Variants in FHIT observed in about 807,000 individuals in gnomAD.
The protein encoded by FHIT is fragile histidine triad diadenosine triphosphatase.
FHIT carries 19 observed loss-of-function variants against 17.9 expected under a neutral mutation model. The ratio of observed to expected loss-of-function variants is 1.06; its 90% CI spans 0.74 to 1.56. The LOEUF is 1.56. Ranked by LOEUF, FHIT falls within the 40% of genes most tolerant of loss-of-function variation. FHIT has a pLI of 0.00. For synonymous variants in FHIT, 81 were observed against 69.7 expected, an observed-to-expected ratio of 1.16 and a Z score of -0.81; for missense variants, 248 against 189.2, an observed-to-expected ratio of 1.31 and a Z score of -1.82.
rs1204577032 is a variant in FHIT at position 60,121,727 on chromosome 3, C to A, written c.104-107575G>T. ...CAAAACAAACACACACACACACACA[C>A]ACACACACACACACACACATTAGCC... On this transcript the variant is annotated intron_variant, in intron 5 of 9. Coordinates refer to ENST00000492590, the MANE Select transcript of FHIT (RefSeq NM_002012.4). 7.9e-5 allele frequency among the ~76,000 whole-genome samples: 12 copies of A among 151,694 alleles called. No individual in the cohort carries two copies. The East Asian group carries it at 1.7e-3, about 22-fold the overall frequency.
chr3:60,333,900 C>T (rs1710111176), intron 5 of FHIT, among the ~76,000 whole-genome samples: 1 of 152,134 alleles, frequency 6.6e-6, no homozygotes, highest in Non-Finnish European at 1.5e-5. Flanking sequence ...CCTAACAGAC[C>T]ACCTGCTTCC....
intron 5 of FHIT, among the ~76,000 whole-genome samples, chr3:60,336,752 G>A (rs530995968): frequency 6.6e-6 from 1 of 152,224 alleles, no homozygotes; most frequent in African/African-American, 2.4e-5. Context: ...AGACAGCATT[G>A]AATTAGATAA....
chr3:60,581,614 A>G (rs1449923288), intron 4 of FHIT, among the ~76,000 whole-genome samples: 1 of 152,166 alleles, frequency 6.6e-6, no homozygotes, highest in Non-Finnish European at 1.5e-5. Flanking sequence ...CACAAAGAAC[A>G]GTAGGCTAAT....
At chr3:60,313,629 A>G (rs1709042613) in intron 5 of FHIT, among the ~76,000 whole-genome samples, 2 of 152,238 alleles carry the variant, frequency 1.3e-5, no homozygotes, top group African/African-American at 4.8e-5. Flanking sequence ...TATTCCACAA[A>G]GCTTTTTAAG....
At chr3:61,181,747 T>G (rs1438626936) in intron 2 of FHIT, among the ~76,000 whole-genome samples, 1 of 152,236 alleles carries the variant, frequency 6.6e-6, no homozygotes, top group African/African-American at 2.4e-5. Context: ...CATGTCTCTT[T>G]CCTAGCCTAA....
chr3:60,632,523 G>T (rs1260228108), intron 4 of FHIT, among the ~76,000 whole-genome samples: 2 of 152,162 alleles, frequency 1.3e-5, no homozygotes, highest in South Asian at 2.1e-4. Context: ...CCGCAGGGAC[G>T]TAAAGAGGTG....
chr3:60,235,338 C>A (rs1704727793), intron 5 of FHIT, among the ~76,000 whole-genome samples: 1 of 150,590 alleles, frequency 6.6e-6, no homozygotes, highest in African/African-American at 2.4e-5. Context: ...TCAAATGATT[C>A]TTCTGCCTCA....
chr3:60,509,147 A>G (rs2034847946), intron 5 of FHIT, among the ~76,000 whole-genome samples: 1 of 152,170 alleles, frequency 6.6e-6, no homozygotes, highest in South Asian at 2.1e-4. Context: ...AGGACAGGCC[A>G]AACAGATGGC....
chr3:59,978,838 T>C (rs1053874868), intron 7 of FHIT, among the ~76,000 whole-genome samples: 3 of 151,500 alleles, frequency 2.0e-5, no homozygotes, highest in Admixed American at 6.6e-5. Context: ...AACTCAATGG[T>C]CTGGATATTT....
At chr3:60,373,623 C>T (rs1700427510) in intron 5 of FHIT, among the ~76,000 whole-genome samples, 1 of 152,084 alleles carries the variant, frequency 6.6e-6, no homozygotes, top group African/African-American at 2.4e-5. Context: ...AGAAAGCAGA[C>T]TCATCTTGGT....
chr3:60,488,975 A>C (rs2033954659), intron 5 of FHIT, among the ~76,000 whole-genome samples: 1 of 152,208 alleles, frequency 6.6e-6, no homozygotes, highest in Non-Finnish European at 1.5e-5. Context: ...CATATATTCC[A>C]CACTTTCTGC....
chr3:60,644,252 G>A (rs1553686118), intron 4 of FHIT, among the ~76,000 whole-genome samples: 1 of 152,012 alleles, frequency 6.6e-6, no homozygotes, highest in Non-Finnish European at 1.5e-5. Flanking sequence ...TATATATCCT[G>A]TTTTTCTTCA....
At chr3:60,041,095 A>T (rs888995804) in intron 5 of FHIT, among the ~76,000 whole-genome samples, 1 of 152,222 alleles carries the variant, frequency 6.6e-6, no homozygotes, top group African/African-American at 2.4e-5. Flanking sequence ...AAATTAAGTA[A>T]TAAAACAAGA....
intron 3 of FHIT, among the ~76,000 whole-genome samples, chr3:60,859,510 T>A (rs1350066110): frequency 1.3e-5 from 2 of 151,872 alleles, no homozygotes; most frequent in African/African-American, 4.8e-5. Flanking sequence ...TTCCGATCAA[T>A]GGAATGTGGC....
At chr3:60,121,926 T>C (rs1273112695) in intron 5 of FHIT, among the ~76,000 whole-genome samples, 1 of 152,104 alleles carries the variant, frequency 6.6e-6, no homozygotes, top group Non-Finnish European at 1.5e-5. Flanking sequence ...TAAGAAATAA[T>C]ATATTTGGGT....
chr3:60,500,532 G>A (rs1210492639), intron 5 of FHIT, among the ~76,000 whole-genome samples: 1 of 151,966 alleles, frequency 6.6e-6, no homozygotes, highest in African/African-American at 2.4e-5. Context: ...CACTTTAGGA[G>A]GCCAAGGTGG....
At chr3:60,128,230 T>C (rs990560973) in intron 5 of FHIT, among the ~76,000 whole-genome samples, 1 of 152,118 alleles carries the variant, frequency 6.6e-6, no homozygotes, top group Non-Finnish European at 1.5e-5. Context: ...GTTCCCATAA[T>C]CCCCACATGT....
chr3:59,928,381 C>T (rs1166824392), intron 7 of FHIT, among the ~76,000 whole-genome samples: 1 of 152,166 alleles, frequency 6.6e-6, no homozygotes, highest in African/African-American at 2.4e-5. Flanking sequence ...GTCCTTAAAA[C>T]TGGAAGAGGG....
At chr3:61,049,104 A>G (rs958001393) in intron 2 of FHIT, among the ~76,000 whole-genome samples, 1 of 151,822 alleles carries the variant, frequency 6.6e-6, no homozygotes, top group Non-Finnish European at 1.5e-5. Flanking sequence ...GGGCACATGT[A>G]CCGTAGAACT....
Sources: gnomAD v4.1 joint callset for allele counts (sites outside exome capture counted in the v4.1 genomes callset) on GRCh38, gnomAD v4.1.1 for gene constraint, MANE v1.5 for transcripts, NCBI Gene and HGNC (gene_info 2026-07-23, HGNC 2026-07-21) for gene names.